The following SNX13 variants were observed in gnomAD, a reference collection of about 807,000 sequenced individuals.
SNX13 encodes the protein sorting nexin 13.
SNX13 carries 45 observed loss-of-function variants against 133.6 expected under a neutral mutation model. The observed-to-expected ratio is 0.34, with a 90% CI of 0.27 to 0.43. The LOEUF (loss-of-function observed/expected upper bound fraction) is 0.43. Among genes scored for constraint, SNX13 ranks in the 20% least tolerant of loss-of-function variants. SNX13 has a pLI of 1.00. For synonymous variants in SNX13, 414 were observed against 373.9 expected, an observed-to-expected ratio of 1.11 and a Z score of -1.24; for missense variants, 1,032 against 1,145.1, an observed-to-expected ratio of 0.90 and a Z score of 1.43.
intron 20 of SNX13, among the ~76,000 whole-genome samples, chr7:17,811,898 A>T (rs1333762323): frequency 6.6e-6 from 1 of 152,198 alleles, no homozygotes; most frequent in Non-Finnish European, 1.5e-5. Flanking sequence ...CAATAGGGAA[A>T]GGATTTTCTA....
chr7:17,816,708 A>T (rs573641822), intron 18 of SNX13, among the ~76,000 whole-genome samples: 1 of 152,324 alleles, frequency 6.6e-6, no homozygotes, highest in African/African-American at 2.4e-5. Flanking sequence ...TCTTCAACAG[A>T]TAATTTTGCA....
chr7:17,851,678 C>T (rs1032880384), intron 9 of SNX13, among the ~76,000 whole-genome samples: 1 of 109,794 alleles, frequency 9.1e-6, no homozygotes, highest in African/African-American at 3.6e-5. Context: ...TACCACTAAA[C>T]AAGATGGAGA....
chr7:17,909,458 C>T (rs774505634), intron 1 of SNX13, among the ~76,000 whole-genome samples: 8 of 152,174 alleles, frequency 5.3e-5, no homozygotes, highest in Non-Finnish European at 8.8e-5. Context: ...CCCAAAAGCC[C>T]ATCAACGATA....
chr7:17,859,007 T>C (rs1792284366), intron 9 of SNX13, among the ~76,000 whole-genome samples: 1 of 152,126 alleles, frequency 6.6e-6, no homozygotes, highest in Admixed American at 6.5e-5. Flanking sequence ...AAACTTAGCA[T>C]AGGCAAATAA....
chr7:17,873,655 T>C (rs753400558), intron 7 of SNX13, 39 bp from the exon 8 acceptor site: 3 of 1,280,600 alleles, frequency 2.3e-6, no homozygotes, highest in Non-Finnish European at 3.2e-6. Flanking sequence ...CATTAGAAAA[T>C]ATAAAGTCTA....
At chr7:17,858,782 G>A (rs976690688) in intron 9 of SNX13, among the ~76,000 whole-genome samples, 1 of 152,076 alleles carries the variant, frequency 6.6e-6, no homozygotes, top group African/African-American at 2.4e-5. Flanking sequence ...GAGAGCAACA[G>A]AAAAGAAGAG....
intron 2 of SNX13, 45 bp from the exon 3 acceptor site, chr7:17,893,479 T>C (rs1796859485): frequency 8.4e-7 from 1 of 1,190,158 alleles, no homozygotes; most frequent in South Asian, 1.4e-5. Flanking sequence ...AAAATTTCCT[T>C]ATAATTTAAT....
intron 11 of SNX13, among the ~76,000 whole-genome samples, chr7:17,846,348 C>A (rs1478603703): frequency 2.6e-5 from 4 of 152,080 alleles, no homozygotes; most frequent in Admixed American, 1.3e-4. Context: ...ATCCGCACAG[C>A]AATCCTGTTG....
intron 13 of SNX13, among the ~76,000 whole-genome samples, chr7:17,838,463 T>C (rs1354144991): frequency 6.6e-6 from 1 of 151,972 alleles, no homozygotes; most frequent in Non-Finnish European, 1.5e-5. Context: ...ATGGTTTTTC[T>C]GTTTTCTATT....
At chr7:17,800,309 A>G (rs1265914607) in intron 22 of SNX13, among the ~76,000 whole-genome samples, 2 of 151,260 alleles carry the variant, frequency 1.3e-5, no homozygotes, top group Middle Eastern at 3.4e-3. Flanking sequence ...AAATTCGATT[A>G]GAAACAGAAA....
intron 1 of SNX13, among the ~76,000 whole-genome samples, chr7:17,933,314 C>CG (rs1360006554): frequency 1.3e-5 from 2 of 152,028 alleles, no homozygotes; most frequent in Non-Finnish European, 2.9e-5. Context: ...GAGGCCGAGG[C>CG]GGGCGGAACA....
chr7:17,866,887 T>C (rs1583544037), intron 9 of SNX13, among the ~76,000 whole-genome samples: 2 of 152,324 alleles, frequency 1.3e-5, no homozygotes, highest in South Asian at 4.1e-4. Context: ...AAAGAAGTGA[T>C]AAATGCTGAT....
Position 17,871,300 on chromosome 7 carries a change from T to C in SNX13, c.753+2228A>G, listed in dbSNP as rs184746388. Among the ~76,000 whole-genome samples the C allele has an allele frequency of 3.5e-3, 533 of 152,210 alleles. 4 individuals are homozygous for C. The highest frequency in any genetic ancestry group is 0.014 in the Middle Eastern group (4 of 294). ...GATCACAGGCGTGAGCCACCGCGCC[T>C]GGCCAAGGAATCATTCTTAACAGAG... On this transcript the variant is annotated intron_variant, in intron 8 of 25. Transcript: ENST00000428135.
In SNX13 at chr7:17,803,342, A is replaced by G. The variant is rs1042303830; in HGVS notation, c.2226+77T>C. On this transcript the variant is annotated intron_variant, in intron 21 of 25. Transcript: ENST00000428135. ...AGAAATAAGGTTAAGGGACTAAGGTAAATCCAACCAGAATTCAATACATCT... is the reference window on the plus strand; with the variant it reads ...AGAAATAAGGTTAAGGGACTAAGGTGAATCCAACCAGAATTCAATACATCT... The G allele has an allele frequency of 5.9e-6, 8 of 1,366,636 alleles. No homozygotes were observed. In the African/African-American group the frequency reaches 8.7e-5, roughly 15 times the overall value. 84.7% of individuals were successfully genotyped at this position (1,366,636 alleles called of 1,614,324 possible). A position where few individuals can be genotyped will look rare whatever the true frequency, so the allele number is the denominator to read the frequency against.
Position 17,791,163 on chromosome 7 carries a change from A to T in SNX13, c.*2882T>A, listed in dbSNP as rs1783497196. The T allele has an allele frequency of 6.6e-6, 1 of 152,020 alleles. No individual in the cohort carries two copies. The highest frequency in any genetic ancestry group is 2.4e-5 in the African/African-American group (1 of 41,444). The allele number at this position is 152,020 out of a possible 1,614,324, so 9.4% of individuals were successfully genotyped here. ...AGACAGTTTAAGCTACATCTCAAAA[A>T]ATTAAAAATTCATTTATCTTACAAT... On this transcript the variant is annotated 3_prime_UTR_variant, in exon 26 of 26. Transcript: ENST00000428135.
At chr7:17,864,340 TAAAC>T (rs760020313) in intron 9 of SNX13, among the ~76,000 whole-genome samples, 41 of 152,058 alleles carry the variant, frequency 2.7e-4, no homozygotes, top group African/African-American at 4.1e-4. Flanking sequence ...GCTGAAATAA[TAAAC>T]AAACTCTAGA....
At chr7:17,829,362 G>C (rs942172389) in intron 16 of SNX13, among the ~76,000 whole-genome samples, 5 of 151,370 alleles carry the variant, frequency 3.3e-5, no homozygotes, top group African/African-American at 1.2e-4. Flanking sequence ...CAGTGGCAAG[G>C]CTGGATATAT....
At chr7:17,803,614 A>T (rs559428319) in intron 20 of SNX13, 34 bp from the exon 21 acceptor site, 1 of 1,555,172 alleles carries the variant, frequency 6.4e-7, no homozygotes, top group East Asian at 2.3e-5. Context: ...CCATGACTTT[A>T]TTGTACCAGA....
chr7:17,796,946 G>C lies in SNX13; in HGVS notation c.2514-7C>G, dbSNP rs556360625. The C allele has an allele frequency of 5.1e-6, 8 of 1,567,738 alleles. No individual in the cohort carries two copies. The South Asian group carries it at 7.8e-5, about 15-fold the overall frequency. On this transcript the variant is annotated splice_polypyrimidine_tract_variant and splice_region_variant and intron_variant, in intron 24 of 25. Transcript: ENST00000428135. ...ATTTGGCCAAAATGCATCTCTATTTGAGAAGATTAAATACATTTTGTAAAC... is the reference window on the plus strand; with the variant it reads ...ATTTGGCCAAAATGCATCTCTATTTCAGAAGATTAAATACATTTTGTAAAC...
Sources: gnomAD v4.1 joint callset for allele counts (sites outside exome capture counted in the v4.1 genomes callset) on GRCh38, gnomAD v4.1.1 for gene constraint, MANE v1.5 for transcripts, NCBI Gene and HGNC (gene_info 2026-07-23, HGNC 2026-07-21) for gene names.